The following IKBKE variants were observed in gnomAD, a reference collection of about 807,000 sequenced individuals.
IKBKE encodes inhibitor of nuclear factor kappa B kinase subunit epsilon.
Under a neutral mutation model 92.1 loss-of-function variants are expected in IKBKE, and 45 were observed. That is an observed-to-expected ratio of 0.49 (90% CI 0.38 to 0.63). The LOEUF (loss-of-function observed/expected upper bound fraction) is 0.63, where lower values mean the gene tolerates loss of function less well. Among genes scored for constraint, IKBKE ranks in the 20% least tolerant of loss-of-function variants. The pLI is 0.00. For missense variants in IKBKE, 700 were observed against 932.8 expected, an observed-to-expected ratio of 0.75 and a Z score of 3.25; for synonymous variants, 374 against 380.3, an observed-to-expected ratio of 0.98 and a Z score of 0.19.
rs886225899 is a variant in IKBKE, at chr1:206,476,142, C to T, written c.359-39C>T. ...TGAGCCTCAGACACTAGACTGTCCC[C>T]GACCAGAGCCAGCTAGTGGCCTCCC... On this transcript the variant is annotated intron_variant, in intron 5 of 21. Transcript: ENST00000581977. This position sits in a 1 kb window ranked among gnomAD's most constrained non-coding sequence, Gnocchi z 5.1. 5 of 1,605,746 alleles carry T rather than the reference C, an allele frequency of 3.1e-6. No individual in the cohort carries two copies. The highest frequency in any genetic ancestry group is 1.7e-5 in the Admixed American group (1 of 59,558).
chr1:206,490,819 G>A lies in IKBKE; in HGVS notation c.1694G>A (p.Gly565Glu), dbSNP rs1553390127. The A allele has an allele frequency of 6.2e-7, 1 of 1,614,052 alleles. No individual in the cohort carries two copies. The highest frequency in any genetic ancestry group is 1.1e-5 in the South Asian group (1 of 91,084). ...CATCTGTTCTGTCTGTTTCCTCCAG[G>A]GCTTGGCTACAACGAGGAGCAGATT... ...KQFKKSRMRP[G>E]LGYNEEQIHK... The change falls in exon 17 of 22, where the codon GGG (glycine) becomes GAG (glutamate). Residue 565 changes from glycine to glutamate, a missense_variant and splice_region_variant. By Grantham distance (98) the Gly-to-Glu change is moderately conservative (BLOSUM62 -2). Transcript: ENST00000581977. This position sits in a 1 kb window ranked among gnomAD's most constrained non-coding sequence, Gnocchi z 5.2.
At chr1:206,495,341 G>T (rs138915344) in intron 21 of IKBKE, among the ~76,000 whole-genome samples, 1 of 152,320 alleles carries the variant, frequency 6.6e-6, no homozygotes, top group African/African-American at 2.4e-5. Context: ...CTACCTCATG[G>T]TGTTGACATA....
rs1406692518 is a variant in IKBKE at position 206,485,831 on chromosome 1, C to A, written c.1616+525C>A. Among the ~76,000 whole-genome samples the A allele has an allele frequency of 6.6e-6, 1 of 152,224 alleles. No homozygotes were observed. The highest frequency in any genetic ancestry group is 1.5e-5 in the Non-Finnish European group (1 of 68,042). ...CCTATGCCAGGCAGGGGTTTACAACCTTTAAGGCACCACTCTCCCTTTTAA... is the reference window on the plus strand; with the variant it reads ...CCTATGCCAGGCAGGGGTTTACAACATTTAAGGCACCACTCTCCCTTTTAA... On this transcript the variant is annotated intron_variant, in intron 15 of 21. Coordinates refer to ENST00000581977, the MANE Select transcript of IKBKE (RefSeq NM_014002.4). This position sits in a 1 kb window ranked among gnomAD's most constrained non-coding sequence, Gnocchi z 5.0.
chr1:206,488,524 G>T (rs1553389369), intron 16 of IKBKE, among the ~76,000 whole-genome samples: 1 of 152,150 alleles, frequency 6.6e-6, no homozygotes, highest in African/African-American at 2.4e-5. Context: ...CAGGCTCGGG[G>T]GTGGGAAGCT....
chr1:206,480,901 C>A (rs1189849649), intron 13 of IKBKE, among the ~76,000 whole-genome samples: 1 of 152,186 alleles, frequency 6.6e-6, no homozygotes, highest in African/African-American at 2.4e-5. Context: ...GGACACACAC[C>A]CACGCACAGT....
chr1:206,482,264 G>T (rs1665442854), intron 13 of IKBKE, among the ~76,000 whole-genome samples: 1 of 152,198 alleles, frequency 6.6e-6, no homozygotes, highest in Non-Finnish European at 1.5e-5. Flanking sequence ...TGGAGGTGAG[G>T]AGGGGAGGAA....
At position 206,473,294 on chromosome 1, in the gene IKBKE, G is replaced by T; in HGVS notation, c.67G>T (p.Val23Leu). 6.2e-7 allele frequency: 1 copy of T among 1,612,970 alleles called. No individual in the cohort carries two copies. Among genetic ancestry groups the T allele is most frequent in the Non-Finnish European group, 8.5e-7 (1 of 1,179,578 alleles). Residue 23 changes from valine to leucine, a missense_variant, in exon 3 of 22, where the codon GTG becomes TTG. Val to Leu is a conservative substitution (Grantham distance 32). Coordinates refer to ENST00000581977, the MANE Select transcript of IKBKE (RefSeq NM_014002.4). ...GCTGGGGCAGGGGGCCACTGCCAGT[G>T]TGTACAAGGCCCGCAACAAGGTAGG... ...DLLGQGATAS[V>L]YKARNKKSGE...
chr1:206,487,248 A>G lies in IKBKE; in HGVS notation c.1617-666A>G, dbSNP rs1553389019. On this transcript the variant is annotated intron_variant, in intron 15 of 21. Transcript: ENST00000581977. The surrounding 1 kb of genome is among the most constrained non-coding windows in gnomAD (Gnocchi z 5.3). The stretch of plus-strand genomic sequence containing the variant: ...TTTTCCCAGACACTCCCGACTTCTC[A>G]AACAAAGTGTTTGTTTCCAGCCTGA... Among the ~76,000 whole-genome samples, 5 of 152,214 alleles carry G rather than the reference A, an allele frequency of 3.3e-5. No individual in the cohort carries two copies. The highest frequency in any genetic ancestry group is 7.3e-5 in the Non-Finnish European group (5 of 68,030).
At chr1:206,483,655 A>G (rs1412640471) in intron 13 of IKBKE, among the ~76,000 whole-genome samples, 17 of 152,272 alleles carry the variant, frequency 1.1e-4, no homozygotes, top group African/African-American at 3.9e-4. Context: ...GTAGAAAGTT[A>G]GAAAACAGAG....
At chr1:206,472,390 A>G (rs1457423864) in intron 2 of IKBKE, among the ~76,000 whole-genome samples, 1 of 152,196 alleles carries the variant, frequency 6.6e-6, no homozygotes, top group Non-Finnish European at 1.5e-5. Flanking sequence ...CTGAGGATAC[A>G]CTTTCTGGTA....
rs782183853 is a variant in IKBKE at position 206,493,360 on chromosome 1, G to A, written c.2027G>A (p.Arg676Gln). 1.1e-5 allele frequency: 18 copies of A among 1,613,334 alleles called. No individual in the cohort carries two copies. Among genetic ancestry groups the A allele is most frequent in the Middle Eastern group, 1.6e-4 (1 of 6,082 alleles). Residue 676 changes from arginine to glutamine, a missense_variant, in exon 20 of 22, where the codon CGA becomes CAA. Coordinates refer to ENST00000581977, the MANE Select transcript of IKBKE (RefSeq NM_014002.4). ...ATAGCTCCTTACCCCAGCCCTACAC[G>A]AAAGGACCTGCTTCTCCAGTAAGTG... ...PPIAPYPSPTRKDLLLHMQEL... is the reference protein window; with the variant it reads ...PPIAPYPSPTQKDLLLHMQEL...
intron 8 of IKBKE, 61 bp downstream of exon 8, chr1:206,477,920 C>T: frequency 8.3e-7 from 1 of 1,200,382 alleles, no homozygotes; most frequent in South Asian, 1.3e-5. Flanking sequence ...CTTCTCTCTG[C>T]TAAGTCAAGA....
At chr1:206,494,672 C>G (rs577381098) in intron 21 of IKBKE, among the ~76,000 whole-genome samples, 25 of 120,822 alleles carry the variant, frequency 2.1e-4, no homozygotes, top group African/African-American at 7.9e-4. Flanking sequence ...GGTACTGTGT[C>G]GGCTCACTGC....
chr1:206,474,121 A>G (rs1553384528), intron 3 of IKBKE, among the ~76,000 whole-genome samples: 2 of 152,178 alleles, frequency 1.3e-5, no homozygotes, highest in African/African-American at 4.8e-5. Context: ...TCAGAGTGTC[A>G]GGATCTTGTC....
intron 2 of IKBKE, among the ~76,000 whole-genome samples, chr1:206,472,593 A>T (rs889239836): frequency 8.6e-5 from 13 of 151,796 alleles, no homozygotes; most frequent in Non-Finnish European, 1.5e-4. Context: ...ACTCTCACAC[A>T]CACACACACA....
chr1:206,487,255 GTGTT>G lies in IKBKE; in HGVS notation c.1617-653_1617-650del, dbSNP rs1366520989. 1.8e-4 allele frequency among the ~76,000 whole-genome samples: 27 copies of G among 152,330 alleles called. No individual in the cohort carries two copies. Among genetic ancestry groups the G allele is most frequent in the African/African-American group, 5.5e-4 (23 of 41,572 alleles). On this transcript the variant is annotated intron_variant, in intron 15 of 21. Coordinates refer to ENST00000581977, the MANE Select transcript of IKBKE (RefSeq NM_014002.4). This position sits in a 1 kb window ranked among gnomAD's most constrained non-coding sequence, Gnocchi z 5.3. ...AGACACTCCCGACTTCTCAAACAAA[GTGTT>G]TGTTTCCAGCCTGAAAAGGGGAAGG...
rs1312663807 is a variant in IKBKE at position 206,480,037 on chromosome 1, G to A, written c.1264G>A (p.Gly422Ser). 1.7e-5 allele frequency: 27 copies of A among 1,608,180 alleles called. No individual in the cohort carries two copies. The highest frequency in any genetic ancestry group is 1.1e-4 in the African/African-American group (8 of 74,686). ...YNTAKGVLGA[G>S]YQALRLARAL... Reference sequence around the variant, plus strand: ...TGTGTTTCAGGGCGTGTTGGGCGCCGGCTACCAGGCCCTGCGGCTGGCACG... The same window carrying A: ...TGTGTTTCAGGGCGTGTTGGGCGCCAGCTACCAGGCCCTGCGGCTGGCACG... The change falls in exon 12 of 22, where the codon GGC becomes AGC. Residue 422 changes from glycine (G) to serine (S), a missense_variant. Gly to Ser is a moderately conservative substitution (Grantham distance 56). Coordinates refer to ENST00000581977, the MANE Select transcript of IKBKE (RefSeq NM_014002.4).
At position 206,475,002 on chromosome 1, in the gene IKBKE, C is replaced by T. The variant is rs1390095989; in HGVS notation, c.358+8C>T. On this transcript the variant is annotated splice_region_variant and intron_variant, in intron 5 of 21. Transcript: ENST00000581977. Reference sequence around the variant, plus strand: ...TGGTGCTGCGCTGTGTGGGTGAGCCCCTCCCTGTCCCTGCCTCCACCCTCA... The same window carrying T: ...TGGTGCTGCGCTGTGTGGGTGAGCCTCTCCCTGTCCCTGCCTCCACCCTCA... 1.2e-6 allele frequency: 2 copies of T among 1,613,372 alleles called. No homozygotes were observed. Among genetic ancestry groups the T allele is most frequent in the Non-Finnish European group, 1.7e-6 (2 of 1,179,888 alleles).
chr1:206,473,239 A>C lies in IKBKE; in HGVS notation c.12A>C (p.Thr4=). The C allele has an allele frequency of 6.2e-7, 1 of 1,612,712 alleles. No individual in the cohort carries two copies. Residue 4 remains threonine (T), a synonymous_variant, in exon 3 of 22, where the codon ACA becomes ACC. Transcript: ENST00000581977. MQS[T]ANYLWHTDDL... The stretch of plus-strand genomic sequence containing the variant: ...GCTCAGGGCAGGAGATGCAGAGCAC[A>C]GCCAATTACCTGTGGCACACAGATG...
Sources: gnomAD v4.1 joint callset for allele counts (sites outside exome capture counted in the v4.1 genomes callset) on GRCh38, gnomAD v4.1.1 for gene constraint, Gnocchi (gnomAD v3.1) non-coding constraint, MANE v1.5 for transcripts, NCBI Gene and HGNC (gene_info 2026-07-23, HGNC 2026-07-21) for gene names.